The following FAM13B variants were observed in gnomAD, a reference collection of about 807,000 sequenced individuals.
FAM13B encodes the protein protein FAM13B.
FAM13B carries 60 observed loss-of-function variants against 117.3 expected under a neutral mutation model. The observed-to-expected ratio is 0.51, with a 90% CI of 0.42 to 0.63. The LOEUF (loss-of-function observed/expected upper bound fraction) is 0.63. Among genes scored for constraint, FAM13B ranks in the 30% least tolerant of loss-of-function variants. The pLI is 0.00. For synonymous variants in FAM13B, 332 were observed against 356.1 expected, an observed-to-expected ratio of 0.93 and a Z score of 0.76; for missense variants, 972 against 1,091.9, an observed-to-expected ratio of 0.89 and a Z score of 1.55.
At chr5:138,022,536 A>C (rs905976294) in intron 1 of FAM13B, among the ~76,000 whole-genome samples, 11 of 152,182 alleles carry the variant, frequency 7.2e-5, no homozygotes, top group South Asian at 2.1e-4. Context: ...TCCCATAACA[A>C]ATCTTTTAGT....
At chr5:138,040,686 A>G (rs1407377884) in intron 1 of FAM13B, among the ~76,000 whole-genome samples, 1 of 152,244 alleles carries the variant, frequency 6.6e-6, no homozygotes, top group Non-Finnish European at 1.5e-5. Context: ...CTGGAAGACC[A>G]AAACTTGCCA....
intron 7 of FAM13B, among the ~76,000 whole-genome samples, chr5:137,997,232 G>C (rs1780085907): frequency 6.6e-6 from 1 of 152,096 alleles, no homozygotes; most frequent in African/African-American, 2.4e-5. Context: ...CACTTTGGGA[G>C]GCCGAGGCAG....
chr5:137,979,999 T>C (rs1218751561), intron 10 of FAM13B, among the ~76,000 whole-genome samples: 3 of 95,536 alleles, frequency 3.1e-5, no homozygotes, highest in South Asian at 3.9e-4. Flanking sequence ...CTGTCTCTAC[T>C]AAAAAAAAAA....
chr5:137,942,270 A>AT (rs1177483026), intron 22 of FAM13B: 1 of 537,088 alleles, frequency 1.9e-6, no homozygotes, highest in Non-Finnish European at 3.3e-6. Context: ...GACATACACC[A>AT]TATCATCCAA....
Position 137,943,208 on chromosome 5 carries a change from TGGA to T in FAM13B, c.2346_2348del (p.Pro783del), listed in dbSNP as rs747771397. 1 of 1,613,038 alleles carries T rather than the reference TGGA, an allele frequency of 6.2e-7. No individual in the cohort carries two copies. The highest frequency in any genetic ancestry group is 1.1e-5 in the South Asian group (1 of 91,052). ...ACATCTGACCCCTTCGCTTGGTGGA[TGGA>T]GATCCCTATAACAATCAATAATATA... On this transcript the variant is annotated inframe_deletion, in exon 21 of 24. Transcript: ENST00000689681.
chr5:138,049,101 C>G (rs2151133005), intron 1 of FAM13B, among the ~76,000 whole-genome samples: 1 of 152,054 alleles, frequency 6.6e-6, no homozygotes, highest in African/African-American at 2.4e-5. Flanking sequence ...GCCACCGCGC[C>G]CAGCTAATTT....
At chr5:137,960,134 T>C (rs9327802) in intron 12 of FAM13B, 32 bp downstream of exon 12, 1,082,876 of 1,387,112 alleles carry the variant, frequency 0.78, 425,701 homozygotes, top group East Asian at 0.97. Context: ...TAGGCAAGTT[T>C]TTAAAGACTA....
chr5:137,966,729 A>C (rs1422245764), intron 10 of FAM13B, among the ~76,000 whole-genome samples: 1 of 152,070 alleles, frequency 6.6e-6, no homozygotes, highest in Non-Finnish European at 1.5e-5. Context: ...CAAAACACTA[A>C]CACTACCAAA....
At chr5:137,971,989 G>A (rs1270190606) in intron 10 of FAM13B, among the ~76,000 whole-genome samples, 2 of 149,822 alleles carry the variant, frequency 1.3e-5, no homozygotes, top group African/African-American at 4.9e-5. Context: ...CAACCAAAAA[G>A]AGTCCAGGAC....
At chr5:138,002,620 A>C (rs575455164) in intron 7 of FAM13B, among the ~76,000 whole-genome samples, 1 of 151,868 alleles carries the variant, frequency 6.6e-6, no homozygotes, top group Admixed American at 6.6e-5. Flanking sequence ...TAAAAACCCT[A>C]ATCATTCTTT....
chr5:138,026,654 A>C (rs2151036577), intron 1 of FAM13B, among the ~76,000 whole-genome samples: 1 of 124,054 alleles, frequency 8.1e-6, no homozygotes, highest in South Asian at 3.1e-4. Context: ...AAAAAAAAAA[A>C]ATTGGTCAGG....
chr5:138,030,734 T>G (rs1189741155), intron 1 of FAM13B, among the ~76,000 whole-genome samples: 1 of 105,258 alleles, frequency 9.5e-6, no homozygotes, highest in Non-Finnish European at 1.9e-5. Flanking sequence ...AAAAAAAAAA[T>G]TGAACGTAAG....
intron 1 of FAM13B, chr5:138,039,519 T>G (rs1263818304): frequency 6.6e-6 from 1 of 152,046 alleles, no homozygotes; most frequent in East Asian, 1.9e-4. Context: ...CACTGCAGCC[T>G]CAGTATCCCA....
intron 1 of FAM13B, among the ~76,000 whole-genome samples, chr5:138,044,311 G>A (rs1215614564): frequency 6.6e-6 from 1 of 152,110 alleles, no homozygotes; most frequent in South Asian, 2.1e-4. Context: ...CAGCACTTTG[G>A]GAGGCCAAGG....
chr5:137,960,093 A>C (rs746083016), intron 12 of FAM13B, 73 bp downstream of exon 12: 2 of 906,900 alleles, frequency 2.2e-6, no homozygotes, highest in Non-Finnish European at 3.5e-6. Context: ...TAGCTAACCC[A>C]CATTAAAGAC....
chr5:137,960,917 A>G (rs913246716), intron 11 of FAM13B, among the ~76,000 whole-genome samples: 1 of 152,178 alleles, frequency 6.6e-6, no homozygotes, highest in Non-Finnish European at 1.5e-5. Flanking sequence ...CTACTGGGGG[A>G]AAGTTCTTTT....
At chr5:138,045,929 G>A (rs1366521646) in intron 1 of FAM13B, among the ~76,000 whole-genome samples, 2 of 141,158 alleles carry the variant, frequency 1.4e-5, no homozygotes, top group South Asian at 2.5e-4. Flanking sequence ...TGGGCAACAA[G>A]AGTGAAATTC....
intron 10 of FAM13B, among the ~76,000 whole-genome samples, chr5:137,965,023 G>A (rs963411675): frequency 7.9e-5 from 12 of 152,058 alleles, no homozygotes; most frequent in African/African-American, 2.2e-4. Context: ...AAATCAGCCA[G>A]GTGCAGTAGT....
rs144440779 is a variant in FAM13B at position 137,959,872 on chromosome 5, T to C, written c.1294-109A>G. ...GTAGTCTTCATTAGTTTACTGTGCC[T>C]ATACAGCCAACTGTCCCACTCCCAC... On this transcript the variant is annotated intron_variant, in intron 12 of 23. Coordinates refer to ENST00000689681, the MANE Select transcript of FAM13B (RefSeq NM_001385994.1). 5.1e-5 allele frequency: 54 copies of C among 1,055,698 alleles called. No individual in the cohort carries two copies. In the African/African-American group the frequency reaches 8.2e-4, roughly 16 times the overall value. The allele number at this position is 1,055,698 out of a possible 1,614,324, so 65.4% of individuals were successfully genotyped here. A position where few individuals can be genotyped will look rare whatever the true frequency, so the allele number is the denominator to read the frequency against.
Sources: allele counts gnomAD v4.1 joint callset (sites outside exome capture counted in the v4.1 genomes callset), GRCh38; gene constraint gnomAD v4.1.1; transcripts MANE v1.5; gene names NCBI Gene and HGNC (gene_info 2026-07-23, HGNC 2026-07-21).